Variants in PHF11 observed in about 807,000 individuals in gnomAD.
The protein encoded by PHF11 is PHD finger protein 11.
In PHF11, 38 loss-of-function variants were observed where a neutral mutation model predicts 40.5. That is an observed-to-expected ratio of 0.94 (90% CI 0.72 to 1.23). The LOEUF (loss-of-function observed/expected upper bound fraction) is 1.23, where lower values mean the gene tolerates loss of function less well. Among genes scored for constraint, PHF11 ranks in the 50% most tolerant of loss-of-function variants. The pLI is 0.00. For synonymous variants in PHF11, 127 were observed against 138.2 expected (o/e 0.92, Z 0.57); for missense variants, 369 against 392.4 (o/e 0.94, Z 0.50).
At chr13:49,497,634 C>T (rs984925238) in intron 1 of PHF11, among the ~76,000 whole-genome samples, 2 of 152,188 alleles carry the variant, frequency 1.3e-5, no homozygotes, top group Admixed American at 6.5e-5. Context: ...GCCTGCAGAG[C>T]GGCCAAAATG....
At chr13:49,505,666 T>C (rs1240215433) in intron 1 of PHF11, among the ~76,000 whole-genome samples, 1 of 152,212 alleles carries the variant, frequency 6.6e-6, no homozygotes, top group African/African-American at 2.4e-5. Flanking sequence ...TTCAAAAACT[T>C]TGCCTCTTAC....
intron 3 of PHF11, among the ~76,000 whole-genome samples, chr13:49,513,791 G>C (rs1959111927): frequency 6.6e-6 from 1 of 152,180 alleles, no homozygotes; most frequent in African/African-American, 2.4e-5. Context: ...TGCTTTCCAA[G>C]TTGGTTGATT....
At chr13:49,523,328 C>A in intron 7 of PHF11, 87 bp downstream of exon 7, 2 of 832,258 alleles carry the variant, frequency 2.4e-6, no homozygotes, top group Non-Finnish European at 4.1e-6. Flanking sequence ...GGTATCCCGC[C>A]TAAATCTTTA....
chr13:49,500,197 C>T (rs764809940), intron 1 of PHF11, among the ~76,000 whole-genome samples: 3 of 152,150 alleles, frequency 2.0e-5, no homozygotes, highest in Non-Finnish European at 2.9e-5. Flanking sequence ...GCAATCTTGT[C>T]GGGTCAGGCT....
chr13:49,499,159 G>A (rs540754156), intron 1 of PHF11, among the ~76,000 whole-genome samples: 11 of 152,324 alleles, frequency 7.2e-5, no homozygotes, highest in African/African-American at 2.2e-4. Flanking sequence ...CCTGGTGATG[G>A]TATAGAAGAT....
At chr13:49,503,012 C>T (rs897724005) in intron 1 of PHF11, among the ~76,000 whole-genome samples, 1 of 152,150 alleles carries the variant, frequency 6.6e-6, no homozygotes, top group Non-Finnish European at 1.5e-5. Context: ...GCGTGAGCAC[C>T]GTGCCCGACC....
chr13:49,506,132 C>T (rs1217331938), intron 1 of PHF11, among the ~76,000 whole-genome samples: 2 of 151,728 alleles, frequency 1.3e-5, no homozygotes, highest in Non-Finnish European at 1.5e-5. Flanking sequence ...CACAGTAGCT[C>T]GTGCCTGTAA....
Position 49,522,759 on chromosome 13 carries a change from G to GT in PHF11, c.571-409dup, listed in dbSNP as rs34691109. The stretch of plus-strand genomic sequence containing the variant: ...GTTTACATCTAAATATGAATATGGG[G>GT]TTTTTTTGTTTTTTTTTTTTTTTGA... On this transcript the variant is annotated intron_variant, in intron 6 of 9. Transcript: ENST00000378319. Among the ~76,000 whole-genome samples the GT allele has an allele frequency of 9.7e-4, 31 of 31,796 alleles. 2 individuals carry two copies. The highest frequency in any genetic ancestry group is 2.2e-3 in the African/African-American group (23 of 10,606). The allele number at this position is 31,796 out of a possible 152,430, so 20.9% of individuals were successfully genotyped here. A position where few individuals can be genotyped will look rare whatever the true frequency, so the allele number is the denominator to read the frequency against.
intron 1 of PHF11, among the ~76,000 whole-genome samples, chr13:49,497,823 A>G (rs1412000977): frequency 2.0e-5 from 3 of 152,150 alleles, no homozygotes. Flanking sequence ...CCTCTAAGCC[A>G]CCAAAGCTGT....
chr13:49,521,970 T>A (rs1959190182), intron 5 of PHF11, 73 bp from the exon 6 acceptor site: 2 of 742,788 alleles, frequency 2.7e-6, no homozygotes, highest in Non-Finnish European at 4.7e-6. Context: ...GCATATGAGT[T>A]GTATATTTCA....
intron 1 of PHF11, among the ~76,000 whole-genome samples, chr13:49,499,079 C>G (rs1355972229): frequency 6.6e-6 from 1 of 152,240 alleles, no homozygotes; most frequent in Non-Finnish European, 1.5e-5. Flanking sequence ...TGACAACACT[C>G]TCCTTTATCT....
chr13:49,521,868 T>C lies in PHF11; in HGVS notation c.506-175T>C. On this transcript the variant is annotated intron_variant, in intron 5 of 9. Transcript: ENST00000378319. ...ATTTACCTGTTTTGCATTAAACTTA[T>C]AATATCTTTTTTAAAAATTAACCCT... 3 of 410,868 alleles carry C rather than the reference T, an allele frequency of 7.3e-6. No individual in the cohort carries two copies. In the South Asian group the frequency reaches 1.3e-4, roughly 18 times the overall value. 25.5% of individuals were successfully genotyped at this position (410,868 alleles called of 1,614,324 possible). A position where few individuals can be genotyped will look rare whatever the true frequency, so the allele number is the denominator to read the frequency against.
In PHF11 at chr13:49,510,176, C is replaced by A. The variant is rs570691453; in HGVS notation, c.217-2883C>A. On this transcript the variant is annotated intron_variant, in intron 2 of 9. Transcript: ENST00000378319. ...AGTAGCTGGGACTATAGGCATGTGC[C>A]ACTGTGCCCAGCTAATGTTTTGTAC... Among the ~76,000 whole-genome samples the A allele has an allele frequency of 3.9e-5, 6 of 152,108 alleles. 1 individual carries two copies. The South Asian group carries it at 1.2e-3, about 32-fold the overall frequency.
chr13:49,512,200 A>G (rs566838924), intron 2 of PHF11, among the ~76,000 whole-genome samples: 1 of 152,302 alleles, frequency 6.6e-6, no homozygotes, highest in Non-Finnish European at 1.5e-5. Flanking sequence ...TGAAGTGTCT[A>G]TTCAAATTTT....
chr13:49,528,331 TAGAA>T (rs1190965378), intron 9 of PHF11, among the ~76,000 whole-genome samples, 176 bp from the exon 10 acceptor site: 4 of 152,148 alleles, frequency 2.6e-5, no homozygotes, highest in Non-Finnish European at 5.9e-5. Flanking sequence ...TGTCCTGAAT[TAGAA>T]GGAGGAAGTG....
intron 1 of PHF11, 59 bp downstream of exon 1, chr13:49,496,154 C>A: frequency 2.0e-6 from 2 of 1,010,106 alleles, no homozygotes; most frequent in South Asian, 7.1e-5. Flanking sequence ...CGGGCCCGGT[C>A]AAGGGGCCTG....
chr13:49,507,877 G>A (rs1959026672), intron 2 of PHF11, among the ~76,000 whole-genome samples: 1 of 152,018 alleles, frequency 6.6e-6, no homozygotes, highest in African/African-American at 2.4e-5. Flanking sequence ...TGGTAGCCTT[G>A]GGGGTTCCTG....
chr13:49,525,730 A>G, intron 8 of PHF11: 1 of 436,686 alleles, frequency 2.3e-6, no homozygotes, highest in Non-Finnish European at 4.5e-6. Flanking sequence ...AGCATTTCCA[A>G]AAGCTCATTT....
intron 4 of PHF11, 94 bp downstream of exon 4, chr13:49,518,245 T>A: frequency 1.2e-6 from 1 of 851,044 alleles, no homozygotes. Flanking sequence ...TAATTTTATG[T>A]AAATGGTTTT....
Sources: allele counts gnomAD v4.1 joint callset (sites outside exome capture counted in the v4.1 genomes callset), GRCh38; gene constraint gnomAD v4.1.1; transcripts MANE v1.5; gene names NCBI Gene and HGNC (gene_info 2026-07-23, HGNC 2026-07-21).